OS9: variants seen among roughly 807,000 people sequenced by gnomAD.
OS9 encodes the protein protein OS-9.
A neutral mutation model predicts 84.7 loss-of-function variants in OS9; 58 were observed. The ratio of observed to expected loss-of-function variants is 0.68; its 90% CI spans 0.55 to 0.85. The LOEUF (loss-of-function observed/expected upper bound fraction) is 0.85. OS9 is among the 40% of genes least tolerant of loss of function. OS9 has a pLI of 0.00. For missense variants in OS9, 760 were observed against 850.9 expected (o/e 0.89, Z 1.33); for synonymous variants, 278 against 320.8 (o/e 0.87, Z 1.43).
Position 57,719,198 on chromosome 12 carries a change from CAAGA to C in OS9, c.1600+21_1600+24del, listed in dbSNP as rs1325608441. On this transcript the variant is annotated intron_variant, in intron 12 of 14. Transcript: ENST00000315970. Reference sequence around the variant, plus strand: ...CAACCTACAGGTGAGAGCAGTCAGACAAGAAAGAGTAGCCCAGTCTGTTGTTTTC... The same window carrying C: ...CAACCTACAGGTGAGAGCAGTCAGACAAGAGTAGCCCAGTCTGTTGTTTTC... 5.6e-6 allele frequency: 9 copies of C among 1,609,012 alleles called. No individual in the cohort carries two copies. Among genetic ancestry groups the C allele is most frequent in the Non-Finnish European group, 7.6e-6 (9 of 1,176,472 alleles).
chr12:57,703,584 C>A (rs2140304101), intron 5 of OS9, among the ~76,000 whole-genome samples: 1 of 152,230 alleles, frequency 6.6e-6, no homozygotes, highest in South Asian at 2.1e-4. Flanking sequence ...TTATTTCTGG[C>A]CTTTCTATAC....
intron 5 of OS9, among the ~76,000 whole-genome samples, chr12:57,696,853 C>T (rs542147549): frequency 7.9e-5 from 12 of 151,230 alleles, no homozygotes; most frequent in East Asian, 1.9e-4. Context: ...CGGTGGCTCA[C>T]GCCTGTAATC....
chr12:57,700,110 AAAG>A (rs1595035522), intron 5 of OS9, among the ~76,000 whole-genome samples: 2 of 152,056 alleles, frequency 1.3e-5, no homozygotes, highest in East Asian at 1.9e-4. Context: ...AAAAAAAAGA[AAAG>A]AAAAAAAGAA....
At chr12:57,715,295 G>A (rs551641893) in intron 5 of OS9, among the ~76,000 whole-genome samples, 33 of 152,144 alleles carry the variant, frequency 2.2e-4, no homozygotes, top group Admixed American at 1.4e-3. Context: ...CCCAGGAGGC[G>A]GAGGTTGCAG....
chr12:57,706,538 A>G (rs1195064435), intron 5 of OS9, among the ~76,000 whole-genome samples: 1 of 152,074 alleles, frequency 6.6e-6, no homozygotes, highest in African/African-American at 2.4e-5. Context: ...GCAGTTTGCT[A>G]AGATAGAGAT....
At chr12:57,697,920 C>CACAA (rs1953905513) in intron 5 of OS9, among the ~76,000 whole-genome samples, 1 of 81,064 alleles carries the variant, frequency 1.2e-5, no homozygotes. Context: ...CACACACACA[C>CACAA]ACATACACAC....
At chr12:57,716,600 G>C in intron 8 of OS9, 88 bp downstream of exon 8, 4 of 1,507,210 alleles carry the variant, frequency 2.7e-6, no homozygotes, top group Non-Finnish European at 3.7e-6. Context: ...CATCTACCTA[G>C]GGATGCAAGG....
chr12:57,717,812 A>ATAATTT, intron 9 of OS9, 58 bp from the exon 10 acceptor site: 7 of 1,077,588 alleles, frequency 6.5e-6, no homozygotes, highest in Non-Finnish European at 9.3e-6. Context: ...AAAAAAAAAA[A>ATAATTT]AAAAAAAGAA....
chr12:57,697,738 GA>G (rs1257659443), intron 5 of OS9, among the ~76,000 whole-genome samples: 15 of 152,012 alleles, frequency 9.9e-5, no homozygotes, highest in Non-Finnish European at 1.8e-4. Context: ...TCTGTCCTTC[GA>G]ACCAGTGGGT....
intron 5 of OS9, among the ~76,000 whole-genome samples, chr12:57,699,317 T>C (rs184034566): frequency 1.3e-5 from 2 of 151,938 alleles, no homozygotes; most frequent in Non-Finnish European, 2.9e-5. Context: ...AGGTGGGGAG[T>C]TGTCCTTGTA....
rs775803603 is a variant in OS9, at chr12:57,720,079, T to A, written c.1601-20T>A. The A allele has an allele frequency of 5.0e-6, 8 of 1,610,904 alleles. No homozygotes were observed. The highest frequency in any genetic ancestry group is 6.8e-6 in the Non-Finnish European group (8 of 1,178,760). The stretch of plus-strand genomic sequence containing the variant: ...GTCACGCCTCTGCTTTGTGTTTCCC[T>A]GTGTGTCTCCCCCTCTAAGAGGAGG... On this transcript the variant is annotated intron_variant, in intron 12 of 14. Transcript: ENST00000315970.
At chr12:57,719,728 A>T (rs1954617936) in intron 12 of OS9, 1 of 223,592 alleles carries the variant, frequency 4.5e-6, no homozygotes, top group Non-Finnish European at 8.9e-6. Flanking sequence ...TCTCTCTATA[A>T]ACATTGAAAT....
At chr12:57,715,371 T>A (rs1954453698) in intron 5 of OS9, among the ~76,000 whole-genome samples, 1 of 151,808 alleles carries the variant, frequency 6.6e-6, no homozygotes, top group East Asian at 1.9e-4. Flanking sequence ...TCAAAAATAA[T>A]AATAATAATA....
chr12:57,695,793 G>A lies in OS9; in HGVS notation c.353G>A (p.Trp118Ter). The change falls in exon 3 of 15, where the codon TGG becomes TAG. Residue 118 changes from tryptophan (W) to a stop codon, truncating the protein, a stop_gained. Transcript: ENST00000315970. LOFTEE classifies it high-confidence loss of function. ...TTTAATTGTCAGACAAAGGACTGGT[G>A]GACATATGAATTCTGTTATGGACGC... ...APCLLKTKDW[W>*]TYEFCYGRHI... 1 of 1,608,132 alleles carries A rather than the reference G, an allele frequency of 6.2e-7. No individual in the cohort carries two copies. Among genetic ancestry groups the A allele is most frequent in the Non-Finnish European group, 8.5e-7 (1 of 1,174,570 alleles).
chr12:57,697,631 G>A (rs1258845334), intron 5 of OS9, among the ~76,000 whole-genome samples: 1 of 152,164 alleles, frequency 6.6e-6, no homozygotes, highest in East Asian at 1.9e-4. Context: ...TAGTGGTGAT[G>A]TCCAGTTGAC....
At chr12:57,711,034 G>A (rs1207029597) in intron 5 of OS9, among the ~76,000 whole-genome samples, 3 of 55,702 alleles carry the variant, frequency 5.4e-5, no homozygotes, top group African/African-American at 1.2e-4. Context: ...GCAAGACTCC[G>A]TCTCAAAAAA....
At chr12:57,699,245 T>A (rs1409577227) in intron 5 of OS9, among the ~76,000 whole-genome samples, 6 of 152,150 alleles carry the variant, frequency 3.9e-5, no homozygotes, top group African/African-American at 1.4e-4. Context: ...AAGTAGAGAT[T>A]TCCAAGGGGG....
Position 57,695,994 on chromosome 12 carries a change from G to A in OS9, c.436G>A (p.Gly146Ser), listed in dbSNP as rs775651434. The A allele has an allele frequency of 1.2e-6, 2 of 1,613,618 alleles. No homozygotes were observed. Among genetic ancestry groups the A allele is most frequent in the Non-Finnish European group, 8.5e-7 (1 of 1,179,628 alleles). ...SEIKGEVLYL[G>S]YYQSAFDWDD... ...GATCAAAGGTGAAGTCCTCTATCTC[G>A]GCTACTACCAATCAGCCTTCGACTG... Residue 146 changes from glycine to serine, a missense_variant, in exon 4 of 15, where the codon GGC becomes AGC. Transcript: ENST00000315970.
At chr12:57,706,028 C>A (rs112095873) in intron 5 of OS9, among the ~76,000 whole-genome samples, 164 of 152,234 alleles carry the variant, frequency 1.1e-3, no homozygotes, top group African/African-American at 3.8e-3. Context: ...TTTCATTTTT[C>A]TTATACCTCG....
Sources: allele counts gnomAD v4.1 joint callset (sites outside exome capture counted in the v4.1 genomes callset), GRCh38; gene constraint gnomAD v4.1.1; transcripts MANE v1.5; gene names NCBI Gene and HGNC (gene_info 2026-07-23, HGNC 2026-07-21).